Variants in GTPBP10 observed in about 807,000 individuals in gnomAD.
GTPBP10 encodes GTP binding protein 10, also known as GTP-binding protein 10.
GTPBP10 carries 38 observed loss-of-function variants against 44.8 expected under a neutral mutation model. The observed-to-expected ratio is 0.85, with a 90% confidence interval of 0.65 to 1.11. GTPBP10 has a LOEUF of 1.11. Ranked by LOEUF, GTPBP10 falls within the 50% of genes most tolerant of loss-of-function variation. The pLI is 0.00. For synonymous variants in GTPBP10, 152 were observed against 150.6 expected (o/e 1.01, Z -0.07); for missense variants, 462 against 453.7 (o/e 1.02, Z -0.17).
intron 4 of GTPBP10, among the ~76,000 whole-genome samples, chr7:90,361,932 T>G (rs1162932572): frequency 6.6e-6 from 1 of 152,204 alleles, no homozygotes. Context: ...GTGTTTATAG[T>G]ATTGTCTGAT....
chr7:90,374,157 A>G (rs1044408788), intron 5 of GTPBP10, 145 bp from the exon 6 acceptor site: 7 of 660,478 alleles, frequency 1.1e-5, no homozygotes, highest in African/African-American at 1.9e-5. Flanking sequence ...CATATTAAAT[A>G]GCAAAGATAA....
intron 4 of GTPBP10, among the ~76,000 whole-genome samples, chr7:90,369,698 G>A (rs1354150487): frequency 3.3e-5 from 5 of 152,148 alleles, no homozygotes; most frequent in South Asian, 2.1e-4. Context: ...AGGCAGGAGT[G>A]TACCACTCCT....
At position 90,355,183 on chromosome 7, in the gene GTPBP10, A is replaced by G. The variant is rs759129662; in HGVS notation, c.417A>G (p.Arg139=). The change falls in exon 4 of 10, where the codon CGA becomes CGG. Residue 139 remains arginine, a synonymous_variant. Transcript: ENST00000222511. ...TCTTACCATTGAAAGGCCAGAAACG[A>G]ATAATTCACCTTGATCTAAAACTTA... ...TNFLPLKGQK[R]IIHLDLKLIA... is the part of the protein sequence containing the mutation. The G allele has an allele frequency of 5.0e-6, 8 of 1,605,562 alleles. No individual in the cohort carries two copies. The East Asian group carries it at 1.1e-4, about 23-fold the overall frequency.
intron 4 of GTPBP10, among the ~76,000 whole-genome samples, chr7:90,371,447 AT>A (rs1796255704): frequency 6.6e-6 from 1 of 152,168 alleles, no homozygotes; most frequent in Admixed American, 6.5e-5. Context: ...AAAACTGCCA[AT>A]TTTTTGCAGA....
At chr7:90,374,850 T>G (rs1796316892) in intron 6 of GTPBP10, among the ~76,000 whole-genome samples, 1 of 152,200 alleles carries the variant, frequency 6.6e-6, no homozygotes, top group Non-Finnish European at 1.5e-5. Context: ...ATTTAAAATA[T>G]AATGTACAAT....
At chr7:90,364,033 C>T (rs1294413879) in intron 4 of GTPBP10, among the ~76,000 whole-genome samples, 3 of 152,200 alleles carry the variant, frequency 2.0e-5, no homozygotes, top group Non-Finnish European at 4.4e-5. Context: ...GTTAGCCATT[C>T]GTCTAATCTT....
chr7:90,367,820 A>G (rs546732936), intron 4 of GTPBP10, among the ~76,000 whole-genome samples: 4 of 152,196 alleles, frequency 2.6e-5, no homozygotes, highest in Non-Finnish European at 5.9e-5. Context: ...TGATCCTGCC[A>G]TTATGACGTT....
At chr7:90,355,670 A>C (rs1795884100) in intron 4 of GTPBP10, among the ~76,000 whole-genome samples, 1 of 151,666 alleles carries the variant, frequency 6.6e-6, no homozygotes, top group African/African-American at 2.4e-5. Flanking sequence ...TCAAATGGCT[A>C]AAGACCAGTA....
In GTPBP10 at chr7:90,389,543, C is replaced by G. The variant is rs1796580199; in HGVS notation, c.*4389C>G. 6.6e-6 allele frequency: 1 copy of G among 151,832 alleles called. No individual in the cohort carries two copies. Among genetic ancestry groups the G allele is most frequent in the African/African-American group, 2.4e-5 (1 of 41,324 alleles). 9.4% of individuals were successfully genotyped at this position (151,832 alleles called of 1,614,324 possible). ...CTGGGATTACAGGCATCCACCACCA[C>G]GTCCAGCTAATTTTTGTATTTTTAG... On this transcript the variant is annotated 3_prime_UTR_variant, in exon 10 of 10. Transcript: ENST00000222511.
chr7:90,383,202 T>C (rs1584649407), intron 9 of GTPBP10, 123 bp downstream of exon 9: 1 of 571,648 alleles, frequency 1.7e-6, no homozygotes, highest in East Asian at 3.3e-5. Flanking sequence ...AGAAAGAATA[T>C]ACAAAACATG....
At chr7:90,352,003 A>AT (rs1459342624) in intron 1 of GTPBP10, among the ~76,000 whole-genome samples, 1 of 152,136 alleles carries the variant, frequency 6.6e-6, no homozygotes, top group Non-Finnish European at 1.5e-5. Context: ...GCTCATAAGC[A>AT]TTTTTTTAAT....
intron 6 of GTPBP10, among the ~76,000 whole-genome samples, chr7:90,377,246 TAAAC>T (rs1018256020): frequency 7.9e-5 from 12 of 152,154 alleles, no homozygotes; most frequent in Admixed American, 6.6e-4. Flanking sequence ...AATAAATAAA[TAAAC>T]AAATGTTAAA....
intron 4 of GTPBP10, among the ~76,000 whole-genome samples, chr7:90,363,497 G>C (rs1048519886): frequency 6.6e-6 from 1 of 152,208 alleles, no homozygotes; most frequent in African/African-American, 2.4e-5. Context: ...TTTCTGCCGA[G>C]AGATCAGCTG....
chr7:90,376,216 CAG>C (rs1378217690), intron 6 of GTPBP10, among the ~76,000 whole-genome samples: 1 of 151,994 alleles, frequency 6.6e-6, no homozygotes, highest in Non-Finnish European at 1.5e-5. Context: ...GGCTGGGCGA[CAG>C]AGCGAGACTC....
chr7:90,364,298 G>A lies in GTPBP10; in HGVS notation c.465-7857G>A, dbSNP rs567844165. 1.4e-4 allele frequency among the ~76,000 whole-genome samples: 22 copies of A among 152,198 alleles called. 2 individuals are homozygous for A. In the East Asian group the frequency reaches 4.1e-3, roughly 28 times the overall value. On this transcript the variant is annotated intron_variant, in intron 4 of 9. Transcript: ENST00000222511. ...ACCTTTGGTCTTTGATGATGGTGAC[G>A]TACAGATGGGTTTTTGGTGTGGATG...
rs911524998 is a variant in GTPBP10 at position 90,388,794 on chromosome 7, A to C, written c.*3640A>C. On this transcript the variant is annotated 3_prime_UTR_variant, in exon 10 of 10. Transcript: ENST00000222511. ...TTTCAGTAGTTAATGAAAGCTACAG[A>C]CTTGTCTTGCCGAAAAATGTACATA... is the stretch of plus-strand genomic sequence containing the variant. 6.6e-6 allele frequency: 1 copy of C among 152,158 alleles called. No individual in the cohort carries two copies. The highest frequency in any genetic ancestry group is 2.4e-5 in the African/African-American group (1 of 41,444). 9.4% of individuals were successfully genotyped at this position (152,158 alleles called of 1,614,324 possible). A position where few individuals can be genotyped will look rare whatever the true frequency, so the allele number is the denominator to read the frequency against.
At chr7:90,346,813 G>T (rs1795684180) in intron 1 of GTPBP10, 39 bp downstream of exon 1, 1 of 1,599,980 alleles carries the variant, frequency 6.3e-7, no homozygotes, top group South Asian at 1.1e-5. Context: ...CCTTAGCGCT[G>T]ACAGCTCTGG....
Position 90,388,886 on chromosome 7 carries a change from A to G in GTPBP10, c.*3732A>G, listed in dbSNP as rs1229882455. ...AAGTTCAGATTGAAAACCCAGTTTT[A>G]CAAATCCCATCTACAAATTTGCATT... On this transcript the variant is annotated 3_prime_UTR_variant, in exon 10 of 10. Coordinates refer to ENST00000222511, the MANE Select transcript of GTPBP10 (RefSeq NM_033107.4). 2.0e-5 allele frequency: 3 copies of G among 152,230 alleles called. No homozygotes were observed. The highest frequency in any genetic ancestry group is 4.4e-5 in the Non-Finnish European group (3 of 68,034). 9.4% of individuals were successfully genotyped at this position (152,230 alleles called of 1,614,324 possible).
At chr7:90,366,189 CA>C (rs764151438) in intron 4 of GTPBP10, among the ~76,000 whole-genome samples, 1 of 152,118 alleles carries the variant, frequency 6.6e-6, no homozygotes, top group South Asian at 2.1e-4. Context: ...AGGATTTTCG[CA>C]TTGATGTTCG....
Sources: allele counts gnomAD v4.1 joint callset (sites outside exome capture counted in the v4.1 genomes callset), GRCh38; gene constraint gnomAD v4.1.1; transcripts MANE v1.5; gene names NCBI Gene and HGNC (gene_info 2026-07-23, HGNC 2026-07-21).